The following ANKRD12 variants were observed in gnomAD, a reference collection of about 807,000 sequenced individuals.
ANKRD12 encodes ankyrin repeat domain 12.
A neutral mutation model predicts 183.4 loss-of-function variants in ANKRD12; 85 were observed. The ratio of observed to expected loss-of-function variants is 0.46; its 90% CI spans 0.39 to 0.56. ANKRD12 has a LOEUF of 0.56. ANKRD12 is among the 20% of genes least tolerant of loss of function. ANKRD12 has a pLI of 0.00. For missense variants in ANKRD12, 2,405 were observed against 2,357.1 expected, an observed-to-expected ratio of 1.02 and a Z score of -0.42; for synonymous variants, 914 against 800.2, an observed-to-expected ratio of 1.14 and a Z score of -2.40.
chr18:9,165,755 C>T (rs528020611), intron 1 of ANKRD12, among the ~76,000 whole-genome samples: 1 of 151,728 alleles, frequency 6.6e-6, no homozygotes, highest in East Asian at 1.9e-4. Context: ...TTTTAGGGTA[C>T]ATGTGGACAA....
chr18:9,162,256 T>C (rs1001642409), intron 1 of ANKRD12, among the ~76,000 whole-genome samples: 2 of 151,118 alleles, frequency 1.3e-5, no homozygotes, highest in African/African-American at 4.9e-5. Context: ...GTCCATGTGT[T>C]CTCATCGTTG....
At chr18:9,160,697 C>T (rs1031628763) in intron 1 of ANKRD12, among the ~76,000 whole-genome samples, 2 of 152,120 alleles carry the variant, frequency 1.3e-5, no homozygotes, top group East Asian at 3.9e-4. Flanking sequence ...TTCTGGTAAC[C>T]AGGGAAGTTT....
At chr18:9,205,020 C>CTTT in intron 4 of ANKRD12, among the ~76,000 whole-genome samples, 1 of 152,050 alleles carries the variant, frequency 6.6e-6, no homozygotes, top group Non-Finnish European at 1.5e-5. Flanking sequence ...ATTCATTAGC[C>CTTT]GTTATTGACT....
At chr18:9,223,971 T>G (rs2144776236) in intron 8 of ANKRD12, among the ~76,000 whole-genome samples, 1 of 152,134 alleles carries the variant, frequency 6.6e-6, no homozygotes, top group South Asian at 2.1e-4. Context: ...TAAAAGCAGA[T>G]CCACAGAGAA....
chr18:9,186,750 CTTTT>C (rs759387137), intron 2 of ANKRD12, among the ~76,000 whole-genome samples: 4 of 117,270 alleles, frequency 3.4e-5, no homozygotes, highest in Non-Finnish European at 3.6e-5. Context: ...CTTTGATTGT[CTTTT>C]TTTTTTTTTT....
At chr18:9,174,083 G>A (rs769815311) in intron 1 of ANKRD12, among the ~76,000 whole-genome samples, 14 of 152,184 alleles carry the variant, frequency 9.2e-5, no homozygotes, top group African/African-American at 1.9e-4. Flanking sequence ...GTCTGGCCAC[G>A]ATCTGGCACA....
rs2037438073 is a variant in ANKRD12, at chr18:9,237,885, G to T, written c.943+15886G>T. Among the ~76,000 whole-genome samples the T allele has an allele frequency of 2.6e-5, 4 of 152,184 alleles. No homozygotes were observed. The South Asian group carries it at 8.3e-4, about 32-fold the overall frequency. ...AATTTTTTTACACATATATTTACAA[G>T]ACTCAACAAAATCTTCTCCTGCCCT... is the stretch of plus-strand genomic sequence containing the variant. On this transcript the variant is annotated intron_variant, in intron 8 of 12. Transcript: ENST00000262126.
rs1365536868 is a variant in ANKRD12, at chr18:9,284,631, C to T, written c.*3505C>T. Reference sequence around the variant, plus strand: ...TTGTAATTCATCATTATTTAAGTGACTTCTTGGGAGCCGTCTTTGTACCTA... The same window carrying T: ...TTGTAATTCATCATTATTTAAGTGATTTCTTGGGAGCCGTCTTTGTACCTA... On this transcript the variant is annotated 3_prime_UTR_variant, in exon 13 of 13. Transcript: ENST00000262126. The T allele has an allele frequency of 6.6e-6, 1 of 151,966 alleles. No homozygotes were observed. The highest frequency in any genetic ancestry group is 1.5e-5 in the Non-Finnish European group (1 of 68,012). The allele number at this position is 151,966 out of a possible 1,614,324, so 9.4% of individuals were successfully genotyped here.
At chr18:9,186,952 C>T (rs185423641) in intron 2 of ANKRD12, among the ~76,000 whole-genome samples, 186 of 151,932 alleles carry the variant, frequency 1.2e-3, no homozygotes, top group African/African-American at 4.2e-3. Context: ...GGGGTTTCAC[C>T]GTGTTAGCCA....
chr18:9,259,035 A>C (rs973867595), intron 9 of ANKRD12, 104 bp downstream of exon 9: 15 of 1,310,446 alleles, frequency 1.1e-5, no homozygotes, highest in Non-Finnish European at 1.4e-5. Context: ...AGATAATTTC[A>C]GCAAAATAAT....
At chr18:9,266,223 C>T (rs916793522) in intron 10 of ANKRD12, among the ~76,000 whole-genome samples, 9 of 152,340 alleles carry the variant, frequency 5.9e-5, no homozygotes, top group Admixed American at 3.3e-4. Flanking sequence ...CTTCCCCAAT[C>T]TAGCAAGGCA....
chr18:9,242,577 G>A lies in ANKRD12; in HGVS notation c.944-11634G>A, dbSNP rs190636491. Among the ~76,000 whole-genome samples, 327 of 152,268 alleles carry A rather than the reference G, an allele frequency of 2.1e-3. 1 individual carries two copies. In the Middle Eastern group the frequency reaches 0.024, roughly 11 times the overall value. On this transcript the variant is annotated intron_variant, in intron 8 of 12. Transcript: ENST00000262126. ...TGTATATATTTATGATGGAATAGCC[G>A]AGACTGGGTAATTTTGTCAGTTTCC...
rs2040122541 is a variant in ANKRD12, at chr18:9,282,099, T to C, written c.*973T>C. ...AAAAATAAATGCCTTTGAATGAAAATTCTGAAATTGTAAATGTCTATTTTA... is the reference window on the plus strand; with the variant it reads ...AAAAATAAATGCCTTTGAATGAAAACTCTGAAATTGTAAATGTCTATTTTA... On this transcript the variant is annotated 3_prime_UTR_variant, in exon 13 of 13. Coordinates refer to ENST00000262126, the MANE Select transcript of ANKRD12 (RefSeq NM_015208.5). 1 of 152,572 alleles carries C rather than the reference T, an allele frequency of 6.6e-6. No homozygotes were observed. Among genetic ancestry groups the C allele is most frequent in the Non-Finnish European group, 1.5e-5 (1 of 67,988 alleles). The allele number at this position is 152,572 out of a possible 1,614,324, so 9.5% of individuals were successfully genotyped here.
intron 11 of ANKRD12, among the ~76,000 whole-genome samples, chr18:9,277,001 GCAAT>G: frequency 6.6e-6 from 1 of 152,272 alleles, no homozygotes; most frequent in East Asian, 1.9e-4. Context: ...TAAGTTTTGA[GCAAT>G]CAGAGAGAAA....
At chr18:9,252,086 G>A (rs182266423) in intron 8 of ANKRD12, among the ~76,000 whole-genome samples, 1 of 152,170 alleles carries the variant, frequency 6.6e-6, no homozygotes, top group East Asian at 1.9e-4. Flanking sequence ...TTACTTAAGG[G>A]AACTTGAGGA....
chr18:9,196,222 A>ACACACT (rs869042165), intron 3 of ANKRD12, among the ~76,000 whole-genome samples: 237 of 133,268 alleles, frequency 1.8e-3, no homozygotes, highest in African/African-American at 6.6e-3. Flanking sequence ...ACACACACAC[A>ACACACT]CTGAGGCTAA....
intron 1 of ANKRD12, among the ~76,000 whole-genome samples, chr18:9,172,726 A>G (rs2032861346): frequency 1.3e-5 from 2 of 152,128 alleles, no homozygotes; most frequent in South Asian, 4.1e-4. Context: ...CTATCAGTTC[A>G]GCCATCTCAG....
intron 8 of ANKRD12, among the ~76,000 whole-genome samples, chr18:9,241,009 A>C (rs919618823): frequency 6.6e-6 from 1 of 152,192 alleles, no homozygotes; most frequent in Non-Finnish European, 1.5e-5. Flanking sequence ...ACTTACTTAC[A>C]ATGGAGTTCT....
chr18:9,187,595 T>C (rs540816798), intron 2 of ANKRD12, among the ~76,000 whole-genome samples: 1 of 152,360 alleles, frequency 6.6e-6, no homozygotes, highest in South Asian at 2.1e-4. Flanking sequence ...ATTTAATTTT[T>C]ATGTAAAGTC....
Sources: gnomAD v4.1 joint callset for allele counts (sites outside exome capture counted in the v4.1 genomes callset) on GRCh38, gnomAD v4.1.1 for gene constraint, MANE v1.5 for transcripts, NCBI Gene and HGNC (gene_info 2026-07-23, HGNC 2026-07-21) for gene names.